Variants in NR6A1 observed in about 807,000 individuals in gnomAD.
NR6A1 encodes the protein nuclear receptor subfamily 6 group A member 1, also known as retinoic acid receptor-related testis-associated receptor.
A neutral mutation model predicts 59.1 loss-of-function variants in NR6A1; 7 were observed. The observed-to-expected ratio is 0.12, with a 90% CI of 0.07 to 0.22. The LOEUF is 0.22. NR6A1 is among the 10% of genes least tolerant of loss of function. The pLI, the probability that NR6A1 is intolerant of heterozygous loss-of-function variation, is 1.00. For missense variants in NR6A1, 468 were observed against 611.6 expected (o/e 0.77, Z 2.48); for synonymous variants, 243 against 236.1 (o/e 1.03, Z -0.27).
chr9:124,704,251 T>C (rs967051987), intron 2 of NR6A1, among the ~76,000 whole-genome samples: 7 of 152,242 alleles, frequency 4.6e-5, no homozygotes, highest in Non-Finnish European at 7.3e-5. Context: ...GTGTTGTCTT[T>C]ATTTCCTTAG....
At chr9:124,628,856 C>G (rs1028517119) in intron 2 of NR6A1, among the ~76,000 whole-genome samples, 3 of 152,014 alleles carry the variant, frequency 2.0e-5, no homozygotes, top group Non-Finnish European at 4.4e-5. Context: ...GACGGGGTTT[C>G]ACCATGTTTC....
At chr9:124,748,288 T>A (rs572726255) in intron 1 of NR6A1, among the ~76,000 whole-genome samples, 1 of 152,170 alleles carries the variant, frequency 6.6e-6, no homozygotes. Context: ...CTAAAGTCCA[T>A]GAGTTTATCA....
intron 2 of NR6A1, among the ~76,000 whole-genome samples, chr9:124,560,222 A>G (rs1834044742): frequency 6.6e-6 from 1 of 152,186 alleles, no homozygotes. Flanking sequence ...TTTGCCACAC[A>G]TACCATTAAC....
At chr9:124,586,426 T>C (rs1834936492) in intron 2 of NR6A1, among the ~76,000 whole-genome samples, 1 of 152,014 alleles carries the variant, frequency 6.6e-6, no homozygotes, top group Admixed American at 6.6e-5. Flanking sequence ...TGTGGCTGAA[T>C]TGCTGCAATT....
chr9:124,649,230 G>GCA (rs1348248685), intron 2 of NR6A1, among the ~76,000 whole-genome samples: 2 of 92,744 alleles, frequency 2.2e-5, no homozygotes, highest in African/African-American at 1.1e-4. Flanking sequence ...TGTGGTACTG[G>GCA]CACAAAAAAA....
chr9:124,698,238 T>C (rs1838828581), intron 2 of NR6A1: 1 of 152,234 alleles, frequency 6.6e-6, no homozygotes, highest in Non-Finnish European at 1.5e-5. Flanking sequence ...CTCTGGTTTC[T>C]CTTCAGATCA....
intron 2 of NR6A1, among the ~76,000 whole-genome samples, chr9:124,711,589 A>T (rs1433661463): frequency 2.0e-5 from 3 of 152,216 alleles, no homozygotes; most frequent in Non-Finnish European, 2.9e-5. Context: ...TCATTAATAA[A>T]GTAGGTTTCA....
intron 2 of NR6A1, among the ~76,000 whole-genome samples, chr9:124,731,547 G>A (rs1428425929): frequency 6.6e-6 from 1 of 152,006 alleles, no homozygotes. Context: ...GTTATACCAG[G>A]TGTGCCTGCC....
At chr9:124,570,334 TG>T (rs748083165) in intron 2 of NR6A1, among the ~76,000 whole-genome samples, 2 of 152,252 alleles carry the variant, frequency 1.3e-5, no homozygotes, top group Non-Finnish European at 2.9e-5. Flanking sequence ...CCTTAAACCT[TG>T]GCAAAATAAA....
intron 2 of NR6A1, chr9:124,693,659 G>A (rs1454001081): frequency 7.6e-6 from 4 of 527,262 alleles, no homozygotes; most frequent in Non-Finnish European, 1.6e-5. Flanking sequence ...TGGAAAAGAA[G>A]AGCCAGGAGT....
intron 2 of NR6A1, among the ~76,000 whole-genome samples, chr9:124,673,158 G>GA (rs1837846949): frequency 6.6e-6 from 1 of 151,992 alleles, no homozygotes; most frequent in South Asian, 2.1e-4. Flanking sequence ...TCCATCTCCA[G>GA]AAAAAATACA....
At chr9:124,557,533 T>C (rs1187606089) in intron 2 of NR6A1, among the ~76,000 whole-genome samples, 7 of 152,216 alleles carry the variant, frequency 4.6e-5, no homozygotes, top group Non-Finnish European at 1.0e-4. Flanking sequence ...AAAGATACCC[T>C]ATAAAAATGG....
chr9:124,609,953 T>A (rs1260475477), intron 2 of NR6A1, among the ~76,000 whole-genome samples: 2 of 152,254 alleles, frequency 1.3e-5, no homozygotes, highest in Non-Finnish European at 2.9e-5. Context: ...TTTTGCACAT[T>A]GATTTTGTAT....
rs532578819 is a variant in NR6A1 at position 124,581,934 on chromosome 9, C to T, written c.143-27364G>A. 7.2e-5 allele frequency among the ~76,000 whole-genome samples: 11 copies of T among 152,104 alleles called. No homozygotes were observed. In the South Asian group the frequency reaches 2.3e-3, roughly 32 times the overall value. ...AGAGTGAAGAAACAACAGATGCTGG[C>T]GAGGCCGTGGAGAAATAGGAATGCT... On this transcript the variant is annotated intron_variant, in intron 2 of 9. Transcript: ENST00000487099.
At chr9:124,551,465 G>A (rs1284359410) in intron 3 of NR6A1, among the ~76,000 whole-genome samples, 1 of 152,148 alleles carries the variant, frequency 6.6e-6, no homozygotes, top group Admixed American at 6.5e-5. Flanking sequence ...TTTACTTGCT[G>A]ATTCTACTCT....
chr9:124,627,219 T>C (rs1227943481), intron 2 of NR6A1, among the ~76,000 whole-genome samples: 3 of 152,206 alleles, frequency 2.0e-5, no homozygotes, highest in Non-Finnish European at 2.9e-5. Flanking sequence ...GCCTAGGTCA[T>C]GTACCTAGAA....
Position 124,548,653 on chromosome 9 carries a change from G to A in NR6A1, c.386-4796C>T, listed in dbSNP as rs75413700. Among the ~76,000 whole-genome samples, 740 of 152,234 alleles carry A rather than the reference G, an allele frequency of 4.9e-3. 2 individuals carry two copies. The highest frequency in any genetic ancestry group is 0.027 in the Middle Eastern group (8 of 294). On this transcript the variant is annotated intron_variant, in intron 3 of 9. Coordinates refer to ENST00000487099, the MANE Select transcript of NR6A1 (RefSeq NM_033334.4). ...GCAGACCTCTGTGTTGTGTCCTGGG[G>A]CACTTTTTACCCTGGTAAAGTGATA...
intron 2 of NR6A1, among the ~76,000 whole-genome samples, chr9:124,574,116 C>T (rs1408194429): frequency 6.6e-6 from 1 of 152,146 alleles, no homozygotes; most frequent in Non-Finnish European, 1.5e-5. Flanking sequence ...TTTCTCTCCA[C>T]CAGGAATATA....
At position 124,720,669 on chromosome 9, in the gene NR6A1, G is replaced by C. The variant is rs549253845; in HGVS notation, c.142+12639C>G. On this transcript the variant is annotated intron_variant, in intron 2 of 9. Transcript: ENST00000487099. ...ATAAAACAAAAACAAAGTAGCTTCA[G>C]GTAAAGAGGCAAAGAGTGGTCCCGG... Among the ~76,000 whole-genome samples, 175 of 152,234 alleles carry C rather than the reference G, an allele frequency of 1.1e-3. 1 individual carries two copies. The highest frequency in any genetic ancestry group is 3.8e-3 in the African/African-American group (159 of 41,534).
Sources: gnomAD v4.1 joint callset for allele counts (sites outside exome capture counted in the v4.1 genomes callset) on GRCh38, gnomAD v4.1.1 for gene constraint, MANE v1.5 for transcripts, NCBI Gene and HGNC (gene_info 2026-07-23, HGNC 2026-07-21) for gene names.